SMCO3: variants seen among roughly 807,000 people sequenced by gnomAD.
The protein encoded by SMCO3 is single-pass membrane protein with coiled-coil domains 3, also known as single-pass membrane and coiled-coil domain-containing protein 3.
Under a neutral mutation model 12.0 loss-of-function variants are expected in SMCO3, and 6 were observed. The ratio of observed to expected loss-of-function variants is 0.50; its 90% CI spans 0.27 to 0.99. SMCO3 has a LOEUF of 0.99. Among genes scored for constraint, SMCO3 ranks in the 50% least tolerant of loss-of-function variants. The probability of loss-of-function intolerance (pLI) is 0.11; values close to 1 mark genes in which losing one functional copy is unlikely to be tolerated. For missense variants in SMCO3, 279 were observed against 265.0 expected (o/e 1.05, Z -0.37); for synonymous variants, 96 against 96.4 (o/e 1.00, Z 0.02).
Position 14,805,982 on chromosome 12 carries a change from A to C in SMCO3, c.*21T>G, listed in dbSNP as rs765037681. The C allele has an allele frequency of 1.3e-6, 2 of 1,577,468 alleles. No homozygotes were observed. Among genetic ancestry groups the C allele is most frequent in the African/African-American group, 2.7e-5 (2 of 73,824 alleles). On this transcript the variant is annotated 3_prime_UTR_variant, in exon 2 of 2. Transcript: ENST00000316048. ...TGAAAAGGAAGCAGAAAAACACTTC[A>C]GTGGCAAATAAAACGGCTGTTCATT...
intron 1 of SMCO3, among the ~76,000 whole-genome samples, chr12:14,808,429 A>G (rs1195064643): frequency 1.3e-5 from 2 of 152,110 alleles, no homozygotes; most frequent in African/African-American, 4.8e-5. Flanking sequence ...TTCTTTATCC[A>G]TATCCATGTG....
rs1351381540 is a variant in SMCO3 at position 14,805,497 on chromosome 12, A to G, written c.*506T>C. The G allele has an allele frequency of 6.5e-6, 1 of 152,980 alleles. No individual in the cohort carries two copies. Among genetic ancestry groups the G allele is most frequent in the African/African-American group, 2.4e-5 (1 of 41,468 alleles). 9.5% of individuals were successfully genotyped at this position (152,980 alleles called of 1,614,324 possible). On this transcript the variant is annotated 3_prime_UTR_variant, in exon 2 of 2. Coordinates refer to ENST00000316048, the MANE Select transcript of SMCO3 (RefSeq NM_001013698.2). ...ACCATTTTTCAGTCTCTTCTAGTTT[A>G]CAGAAAACCAGATTTACTCTGATGG... is the stretch of plus-strand genomic sequence containing the variant.
chr12:14,813,583 G>A (rs1950173446), intron 1 of SMCO3, among the ~76,000 whole-genome samples: 1 of 152,148 alleles, frequency 6.6e-6, no homozygotes, highest in Non-Finnish European at 1.5e-5. Flanking sequence ...GTCCCTTGAG[G>A]CATTTGAAAA....
rs1045083473 is a variant in SMCO3, at chr12:14,806,060, T to G, written c.621A>C (p.Glu207Asp). The change falls in exon 2 of 2, where the codon GAA becomes GAC. Residue 207 changes from glutamate to aspartate, a missense_variant. Physicochemically the swap from Glu to Asp is conservative, Grantham distance 45 (BLOSUM62 2). Coordinates refer to ENST00000316048, the MANE Select transcript of SMCO3 (RefSeq NM_001013698.2). ...CCTCAGTAATGGCATGATTATATTT[T>G]TCTGAGGCTGATTTGAACTCCACCA... ...KHLVEFKSAS[E>D]KYNHAITEVI... 6.2e-7 allele frequency: 1 copy of G among 1,614,210 alleles called. No homozygotes were observed. The highest frequency in any genetic ancestry group is 1.3e-5 in the African/African-American group (1 of 75,058).
chr12:14,813,594 C>T (rs188655882), intron 1 of SMCO3, among the ~76,000 whole-genome samples: 1 of 152,310 alleles, frequency 6.6e-6, no homozygotes, highest in East Asian at 1.9e-4. Flanking sequence ...CATTTGAAAA[C>T]GACAATGTTC....
intron 1 of SMCO3, among the ~76,000 whole-genome samples, chr12:14,810,055 A>T (rs1950112402): frequency 6.6e-6 from 1 of 152,236 alleles, no homozygotes; most frequent in Non-Finnish European, 1.5e-5. Flanking sequence ...CTTCGTTCCA[A>T]TAACGAGTTT....
rs1432037864 is a variant in SMCO3, at chr12:14,806,438, C to G, written c.243G>C (p.Gln81His). 9.3e-6 allele frequency: 15 copies of G among 1,614,228 alleles called. No homozygotes were observed. Among genetic ancestry groups the G allele is most frequent in the Non-Finnish European group, 1.3e-5 (15 of 1,180,050 alleles). ...TATCTTTTAGTGCTTCATCAACCTT[C>G]TGCAATTCCTTTTGGATTTTCATAA... ...QAIMKIQKEL[Q>H]KVDEALKDKL... is the part of the protein sequence containing the mutation. The change falls in exon 2 of 2, where the codon CAG becomes CAC. Residue 81 changes from glutamine (Q) to histidine (H), a missense_variant. Coordinates refer to ENST00000316048, the MANE Select transcript of SMCO3 (RefSeq NM_001013698.2).
chr12:14,805,990 A>G lies in SMCO3; in HGVS notation c.*13T>C. 6.3e-7 allele frequency: 1 copy of G among 1,584,040 alleles called. No homozygotes were observed. The highest frequency in any genetic ancestry group is 8.6e-7 in the Non-Finnish European group (1 of 1,164,854). On this transcript the variant is annotated 3_prime_UTR_variant, in exon 2 of 2. Transcript: ENST00000316048. ...AAGCAGAAAAACACTTCAGTGGCAA[A>G]TAAAACGGCTGTTCATTTCATTTGG...
chr12:14,813,179 A>T (rs1028112950), intron 1 of SMCO3, among the ~76,000 whole-genome samples: 11 of 152,304 alleles, frequency 7.2e-5, no homozygotes, highest in Middle Eastern at 3.4e-3. Context: ...TAACAAATAA[A>T]AAAGAAAGAA....
chr12:14,810,052 C>T (rs1222908313), intron 1 of SMCO3, among the ~76,000 whole-genome samples: 1 of 152,162 alleles, frequency 6.6e-6, no homozygotes, highest in African/African-American at 2.4e-5. Context: ...TGACTTCGTT[C>T]CAATAACGAG....
chr12:14,805,835 A>G lies in SMCO3; in HGVS notation c.*168T>C, dbSNP rs1256829410. On this transcript the variant is annotated 3_prime_UTR_variant, in exon 2 of 2. Coordinates refer to ENST00000316048, the MANE Select transcript of SMCO3 (RefSeq NM_001013698.2). ...AGCTGATCCAGGCATTGTTGACTCAAAACTCATCTAGTCATCTAGTCTTGG... is the reference window on the plus strand; with the variant it reads ...AGCTGATCCAGGCATTGTTGACTCAGAACTCATCTAGTCATCTAGTCTTGG... 4.0e-6 allele frequency: 3 copies of G among 741,882 alleles called. No homozygotes were observed. The highest frequency in any genetic ancestry group is 1.8e-5 in the African/African-American group (1 of 56,282). 46.0% of individuals were successfully genotyped at this position (741,882 alleles called of 1,614,324 possible).
chr12:14,812,899 C>A (rs1258456313), intron 1 of SMCO3, among the ~76,000 whole-genome samples: 1 of 152,010 alleles, frequency 6.6e-6, no homozygotes, highest in African/African-American at 2.4e-5. Context: ...CAAAGATGGT[C>A]CTGTTTAAAT....
intron 1 of SMCO3, among the ~76,000 whole-genome samples, chr12:14,809,716 A>T (rs1463863054): frequency 3.3e-5 from 5 of 149,910 alleles, no homozygotes; most frequent in Non-Finnish European, 7.4e-5. Flanking sequence ...TAAAACCAAT[A>T]AAAAAAAAGC....
At chr12:14,810,229 C>G (rs1364684815) in intron 1 of SMCO3, among the ~76,000 whole-genome samples, 2 of 152,112 alleles carry the variant, frequency 1.3e-5, no homozygotes, top group Non-Finnish European at 2.9e-5. Context: ...ACCATACCTG[C>G]TTAGGTATGT....
At chr12:14,807,617 T>G (rs1443288504) in intron 1 of SMCO3, among the ~76,000 whole-genome samples, 2 of 152,210 alleles carry the variant, frequency 1.3e-5, no homozygotes, top group East Asian at 3.9e-4. Flanking sequence ...AACATGTATA[T>G]CATGCTAGAA....
intron 1 of SMCO3, among the ~76,000 whole-genome samples, chr12:14,811,411 G>A (rs142423549): frequency 1.8e-4 from 28 of 152,232 alleles, no homozygotes; most frequent in African/African-American, 6.7e-4. Context: ...AATTTTATTT[G>A]ATGAGAGAGT....
intron 1 of SMCO3, among the ~76,000 whole-genome samples, chr12:14,812,086 G>T (rs892903920): frequency 3.9e-5 from 6 of 152,096 alleles, no homozygotes; most frequent in African/African-American, 1.4e-4. Flanking sequence ...TCTTCACAAA[G>T]TTATCATAAT....
Position 14,805,864 on chromosome 12 carries a change from C to T in SMCO3, c.*139G>A. 1.2e-6 allele frequency: 1 copy of T among 854,182 alleles called. No homozygotes were observed. Among genetic ancestry groups the T allele is most frequent in the Non-Finnish European group, 1.8e-6 (1 of 561,766 alleles). 52.9% of individuals were successfully genotyped at this position (854,182 alleles called of 1,614,324 possible). ...TCATCTAGTCATCTAGTCTTGGCAT[C>T]TCCAGTTTCCCTCTCCAAATTGTTT... On this transcript the variant is annotated 3_prime_UTR_variant, in exon 2 of 2. Transcript: ENST00000316048.
intron 1 of SMCO3, among the ~76,000 whole-genome samples, chr12:14,811,197 A>G (rs1161419588): frequency 6.6e-6 from 1 of 152,192 alleles, no homozygotes; most frequent in Non-Finnish European, 1.5e-5. Context: ...CCACTTTTGT[A>G]CAGAGTTTGT....
Sources: allele counts gnomAD v4.1 joint callset (sites outside exome capture counted in the v4.1 genomes callset), GRCh38; gene constraint gnomAD v4.1.1; transcripts MANE v1.5; gene names NCBI Gene and HGNC (gene_info 2026-07-23, HGNC 2026-07-21).